The following CNTNAP2 variants were observed in gnomAD, a reference collection of about 807,000 sequenced individuals.
CNTNAP2 encodes contactin associated protein 2, also known as contactin-associated protein-like 2.
Under a neutral mutation model 155.2 loss-of-function variants are expected in CNTNAP2, and 98 were observed. That is an observed-to-expected ratio of 0.63 (90% CI 0.54 to 0.75). The LOEUF (loss-of-function observed/expected upper bound fraction) is 0.75. Among genes scored for constraint, CNTNAP2 ranks in the 30% least tolerant of loss-of-function variants. The pLI, the probability that CNTNAP2 is intolerant of heterozygous loss-of-function variation, is 0.00. For synonymous variants in CNTNAP2, 651 were observed against 631.2 expected (o/e 1.03, Z -0.47); for missense variants, 1,727 against 1,688.1 (o/e 1.02, Z -0.40).
chr7:147,678,448 G>A (rs1044305150), intron 13 of CNTNAP2, among the ~76,000 whole-genome samples: 1 of 151,842 alleles, frequency 6.6e-6, no homozygotes, highest in Non-Finnish European at 1.5e-5. Flanking sequence ...TTTCCCAGTT[G>A]ATTATTTGCT....
rs560407268 is a variant in CNTNAP2, at chr7:146,890,842, T to C, written c.402+50938T>C. ...ATGATCATACATCATTACTTGATAT[T>C]AGCCCTGGAATTAAAAGACAGATTA... On this transcript the variant is annotated intron_variant, in intron 3 of 23. Coordinates refer to ENST00000361727, the MANE Select transcript of CNTNAP2 (RefSeq NM_014141.6). Among the ~76,000 whole-genome samples, 24 of 152,274 alleles carry C rather than the reference T, an allele frequency of 1.6e-4. No individual in the cohort carries two copies. In the South Asian group the frequency reaches 4.8e-3, roughly 30 times the overall value.
rs574828206 is a variant in CNTNAP2 at position 146,474,534 on chromosome 7, C to A, written c.98-299737C>A. Among the ~76,000 whole-genome samples the A allele has an allele frequency of 6.6e-5, 10 of 151,494 alleles. No individual in the cohort carries two copies. In the East Asian group the frequency reaches 1.7e-3, roughly 26 times the overall value. On this transcript the variant is annotated intron_variant, in intron 1 of 23. Transcript: ENST00000361727. ...GAGCTTTAGCATTGGAGGGAGTTGGCATTCTATGCTGTTATATTTCCTGTG... is the reference window on the plus strand; with the variant it reads ...GAGCTTTAGCATTGGAGGGAGTTGGAATTCTATGCTGTTATATTTCCTGTG...
chr7:147,998,092 A>ATTTCTTT (rs1400199419), intron 15 of CNTNAP2, among the ~76,000 whole-genome samples: 27 of 127,526 alleles, frequency 2.1e-4, no homozygotes, highest in Non-Finnish European at 3.5e-4. Context: ...GAACATGGTC[A>ATTTCTTT]TTTCTTTTTT....
intron 3 of CNTNAP2, among the ~76,000 whole-genome samples, chr7:146,904,772 A>T (rs1796084921): frequency 6.6e-6 from 1 of 152,146 alleles, no homozygotes; most frequent in Non-Finnish European, 1.5e-5. Context: ...CGTCCGGCCG[A>T]GAATTCATCT....
At chr7:147,362,770 T>G (rs2116898570) in intron 9 of CNTNAP2, among the ~76,000 whole-genome samples, 1 of 152,184 alleles carries the variant, frequency 6.6e-6, no homozygotes, top group Middle Eastern at 3.4e-3. Context: ...CTAGATACAG[T>G]TTTTGGAAAC....
At chr7:146,147,233 A>G (rs918876861) in intron 1 of CNTNAP2, among the ~76,000 whole-genome samples, 1 of 152,112 alleles carries the variant, frequency 6.6e-6, no homozygotes, top group Non-Finnish European at 1.5e-5. Flanking sequence ...CTAGGGATTG[A>G]ATTATGTTTA....
chr7:146,542,312 A>G (rs906105970), intron 1 of CNTNAP2, among the ~76,000 whole-genome samples: 7 of 152,010 alleles, frequency 4.6e-5, no homozygotes, highest in East Asian at 1.9e-4. Flanking sequence ...AAACGACTGC[A>G]ATAAGACTTG....
intron 11 of CNTNAP2, among the ~76,000 whole-genome samples, chr7:147,526,436 T>C (rs1053745322): frequency 1.1e-4 from 17 of 152,148 alleles, no homozygotes; most frequent in Non-Finnish European, 1.8e-4. Flanking sequence ...GTCTGGAATA[T>C]AGATATCAAG....
At chr7:147,286,393 C>T (rs189903156) in intron 8 of CNTNAP2, among the ~76,000 whole-genome samples, 101 of 151,988 alleles carry the variant, frequency 6.6e-4, no homozygotes, top group Middle Eastern at 3.4e-3. Context: ...AAAACAGTGA[C>T]TGTAAACAAA....
intron 1 of CNTNAP2, among the ~76,000 whole-genome samples, chr7:146,474,005 C>T (rs1467504212): frequency 6.6e-6 from 1 of 152,044 alleles, no homozygotes; most frequent in Non-Finnish European, 1.5e-5. Context: ...GGGTGGATGG[C>T]CGAGGTCATT....
In CNTNAP2 at chr7:146,877,450, A is replaced by G. The variant is rs186873149; in HGVS notation, c.402+37546A>G. On this transcript the variant is annotated intron_variant, in intron 3 of 23. Transcript: ENST00000361727. ...AGCCCACAAATTTGAGGATGCAGTG[A>G]GCTATGATTGCCCCACTGCACTCCA... is the stretch of plus-strand genomic sequence containing the variant. Among the ~76,000 whole-genome samples, 288 of 152,016 alleles carry G rather than the reference A, an allele frequency of 1.9e-3. 3 individuals carry two copies. Among genetic ancestry groups the G allele is most frequent in the African/African-American group, 6.7e-3 (278 of 41,494 alleles).
chr7:147,348,429 A>T (rs989027290), intron 9 of CNTNAP2, among the ~76,000 whole-genome samples: 1 of 152,076 alleles, frequency 6.6e-6, no homozygotes, highest in Non-Finnish European at 1.5e-5. Flanking sequence ...GGCAAATACA[A>T]ATCAAAAATC....
intron 1 of CNTNAP2, among the ~76,000 whole-genome samples, chr7:146,325,626 G>A (rs531565452): frequency 5.9e-5 from 9 of 151,364 alleles, no homozygotes; most frequent in African/African-American, 1.9e-4. Context: ...ACACACACAG[G>A]GAGAGAGAGA....
chr7:146,362,303 A>C (rs768312117), intron 1 of CNTNAP2, among the ~76,000 whole-genome samples: 26 of 152,210 alleles, frequency 1.7e-4, no homozygotes, highest in Non-Finnish European at 2.9e-4. Flanking sequence ...AAACAAAGCT[A>C]CACACATAAA....
At chr7:146,569,168 C>T (rs557589756) in intron 1 of CNTNAP2, among the ~76,000 whole-genome samples, 1 of 152,134 alleles carries the variant, frequency 6.6e-6, no homozygotes, top group Non-Finnish European at 1.5e-5. Context: ...AGGCGCCCAC[C>T]ACCACGCCCG....
At chr7:147,409,268 T>G (rs1022938249) in intron 10 of CNTNAP2, among the ~76,000 whole-genome samples, 1 of 152,214 alleles carries the variant, frequency 6.6e-6, no homozygotes, top group Non-Finnish European at 1.5e-5. Flanking sequence ...CGATCTGATC[T>G]TTGACAAAGC....
intron 15 of CNTNAP2, among the ~76,000 whole-genome samples, chr7:148,049,314 G>A (rs1319901427): frequency 6.6e-6 from 1 of 152,118 alleles, no homozygotes; most frequent in Non-Finnish European, 1.5e-5. Flanking sequence ...AGTCATTTAT[G>A]GACATCTTTG....
At chr7:146,504,852 G>A (rs1797359211) in intron 1 of CNTNAP2, among the ~76,000 whole-genome samples, 1 of 152,166 alleles carries the variant, frequency 6.6e-6, no homozygotes, top group Non-Finnish European at 1.5e-5. Flanking sequence ...GGGGCACAAA[G>A]TCCTCTGGGG....
chr7:146,147,695 G>C (rs779147816), intron 1 of CNTNAP2, among the ~76,000 whole-genome samples: 4 of 152,080 alleles, frequency 2.6e-5, no homozygotes, highest in Non-Finnish European at 4.4e-5. Flanking sequence ...ATTTAGAATA[G>C]ACATCTGCTC....
Sources: gnomAD v4.1 joint callset for allele counts (sites outside exome capture counted in the v4.1 genomes callset) on GRCh38, gnomAD v4.1.1 for gene constraint, MANE v1.5 for transcripts, NCBI Gene and HGNC (gene_info 2026-07-23, HGNC 2026-07-21) for gene names.